The following NOS1 variants were observed in gnomAD, a reference collection of about 807,000 sequenced individuals.
NOS1 encodes nitric oxide synthase 1, also known as NOS type I.
A neutral mutation model predicts 164.5 loss-of-function variants in NOS1; 51 were observed. The observed-to-expected ratio is 0.31, with a 90% CI of 0.25 to 0.39. The LOEUF is 0.39. Ranked by LOEUF, NOS1 falls within the 10% of genes least tolerant of loss-of-function variation. NOS1 has a pLI of 1.00. For synonymous variants in NOS1, 719 were observed against 745.8 expected, an observed-to-expected ratio of 0.96 and a Z score of 0.59; for missense variants, 1,362 against 1,885.6, an observed-to-expected ratio of 0.72 and a Z score of 5.14.
intron 13 of NOS1, among the ~76,000 whole-genome samples, chr12:117,261,517 T>G (rs972499300): frequency 1.3e-5 from 2 of 152,166 alleles, no homozygotes; most frequent in African/African-American, 4.8e-5. Flanking sequence ...AATCACGAAT[T>G]AGTCACCAGG....
At chr12:117,251,101 CTT>C (rs1268233344) in intron 17 of NOS1, among the ~76,000 whole-genome samples, 1 of 152,094 alleles carries the variant, frequency 6.6e-6, no homozygotes, top group African/African-American at 2.4e-5. Context: ...GTTAGTGCCT[CTT>C]AAGGGGCTGA....
intron 7 of NOS1, 59 bp downstream of exon 7, chr12:117,285,182 G>T: frequency 8.2e-7 from 1 of 1,213,242 alleles, no homozygotes; most frequent in Non-Finnish European, 1.2e-6. Context: ...CAGAGTCAAA[G>T]TACAATGCTG....
intron 1 of NOS1, among the ~76,000 whole-genome samples, chr12:117,345,073 C>T (rs945549777): frequency 2.0e-5 from 3 of 148,304 alleles, no homozygotes; most frequent in East Asian, 2.0e-4. Context: ...ACTCTGTTGC[C>T]CAGGCTGGAG....
intron 2 of NOS1, among the ~76,000 whole-genome samples, chr12:117,321,198 C>T (rs555028154): frequency 4.1e-4 from 62 of 152,106 alleles, no homozygotes; most frequent in Non-Finnish European, 8.2e-4. Flanking sequence ...TTAGTAGAGA[C>T]GGGGTTTCAC....
intron 10 of NOS1, 129 bp from the exon 11 acceptor site, chr12:117,268,273 C>T (rs1172781590): frequency 1.5e-6 from 1 of 668,306 alleles, no homozygotes; most frequent in Non-Finnish European, 2.6e-6. Flanking sequence ...CTCTGTCGCA[C>T]AGGCTGGAGT....
In NOS1 at chr12:117,263,894, T is replaced by G. The variant is rs985310793; in HGVS notation, c.2217A>C (p.Leu739=). ...TKRRAIGFKK[L]AEAVKFSAKL... Reference sequence around the variant, plus strand: ...GCCCACTGCACGAAACTTACTCTGCTAGCTTCTTGAAGCCAATGGCTCGCC... The same window carrying G: ...GCCCACTGCACGAAACTTACTCTGCGAGCTTCTTGAAGCCAATGGCTCGCC... The change falls in exon 13 of 29, where the codon CTA becomes CTC. Residue 739 remains leucine, a synonymous_variant. Coordinates refer to ENST00000317775, the MANE Select transcript of NOS1 (RefSeq NM_000620.5). 1 of 1,613,684 alleles carries G rather than the reference T, an allele frequency of 6.2e-7. No individual in the cohort carries two copies.
intron 3 of NOS1, among the ~76,000 whole-genome samples, chr12:117,296,569 G>C (rs1873430768): frequency 6.6e-6 from 1 of 152,156 alleles, no homozygotes; most frequent in Non-Finnish European, 1.5e-5. Flanking sequence ...TTGGGACTCG[G>C]GCTGGCTTCC....
At position 117,234,823 on chromosome 12, in the gene NOS1, TTCTG is replaced by T; in HGVS notation, c.3042-69_3042-66del. On this transcript the variant is annotated intron_variant, in intron 20 of 28. Transcript: ENST00000317775. This position sits in a 1 kb window ranked among gnomAD's most constrained non-coding sequence, Gnocchi z 4.3. The stretch of plus-strand genomic sequence containing the variant: ...CAGCTACTTCCTCCTTTTTTTGCTC[TTCTG>T]TCTGTCCTTGTTGGCTGCAATTCTC... 7.0e-7 allele frequency: 1 copy of T among 1,418,466 alleles called. No homozygotes were observed. Among genetic ancestry groups the T allele is most frequent in the East Asian group, 2.5e-5 (1 of 40,444 alleles). 87.9% of individuals were successfully genotyped at this position (1,418,466 alleles called of 1,614,324 possible).
At chr12:117,268,213 G>T in intron 10 of NOS1, 69 bp from the exon 11 acceptor site, 1 of 1,001,370 alleles carries the variant, frequency 1.0e-6, no homozygotes, top group East Asian at 2.4e-5. Context: ...AGAGGGACAG[G>T]GCTAGTGGCG....
chr12:117,340,443 A>G (rs75013007), intron 1 of NOS1, among the ~76,000 whole-genome samples: 2 of 152,358 alleles, frequency 1.3e-5, no homozygotes, highest in African/African-American at 4.8e-5. Context: ...TAGTTTCTGC[A>G]TCTATTAAAT....
chr12:117,321,301 C>T (rs1189646226), intron 2 of NOS1, among the ~76,000 whole-genome samples: 4 of 152,214 alleles, frequency 2.6e-5, no homozygotes, highest in Non-Finnish European at 5.9e-5. Flanking sequence ...TGGGCCACCA[C>T]ACCCGGCCTA....
At chr12:117,253,613 C>A (rs774013937) in intron 17 of NOS1, 25 bp downstream of exon 17, 2 of 1,546,560 alleles carry the variant, frequency 1.3e-6, no homozygotes, top group Admixed American at 1.7e-5. Flanking sequence ...TCCCTGACCC[C>A]CGACCCCCTT....
At position 117,285,563 on chromosome 12, in the gene NOS1, C is replaced by G. The variant is rs143664230; in HGVS notation, c.1291-231G>C. Among the ~76,000 whole-genome samples the G allele has an allele frequency of 3.0e-3, 450 of 149,176 alleles. 1 individual carries two copies. Among genetic ancestry groups the G allele is most frequent in the African/African-American group, 0.01 (422 of 40,748 alleles). On this transcript the variant is annotated intron_variant, in intron 6 of 28. Coordinates refer to ENST00000317775, the MANE Select transcript of NOS1 (RefSeq NM_000620.5). ...AAAAAAAATCGCCTAAAAGTAGGCA[C>G]GGCATGAAAGTGAATGTGGGAAAGG...
At position 117,226,112 on chromosome 12, in the gene NOS1, A is replaced by G. The variant is rs9658504; in HGVS notation, c.3704+571T>C. ...TGATGCCAATGAGATTTGGATCATT[A>G]TCAATGGCATGTGGATCATATCGTG... On this transcript the variant is annotated intron_variant, in intron 24 of 28. Coordinates refer to ENST00000317775, the MANE Select transcript of NOS1 (RefSeq NM_000620.5). Among the ~76,000 whole-genome samples, 86 of 152,364 alleles carry G rather than the reference A, an allele frequency of 5.6e-4. 2 individuals carry two copies. In the East Asian group the frequency reaches 0.016, roughly 29 times the overall value.
At chr12:117,339,776 A>C (rs1475512853) in intron 1 of NOS1, among the ~76,000 whole-genome samples, 1 of 152,242 alleles carries the variant, frequency 6.6e-6, no homozygotes, top group Non-Finnish European at 1.5e-5. Flanking sequence ...ATTTAAAAGC[A>C]AGGTGGAGCA....
In NOS1 at chr12:117,212,807, A is replaced by C. The variant is rs759457937; in HGVS notation, c.*2502T>G. The C allele has an allele frequency of 1.0e-6, 1 of 985,396 alleles. No individual in the cohort carries two copies. The highest frequency in any genetic ancestry group is 1.2e-6 in the Non-Finnish European group (1 of 829,928). The allele number at this position is 985,396 out of a possible 1,614,324, so 61.0% of individuals were successfully genotyped here. On this transcript the variant is annotated 3_prime_UTR_variant, in exon 29 of 29. Coordinates refer to ENST00000317775, the MANE Select transcript of NOS1 (RefSeq NM_000620.5). ...CCCCACCCTTGATCTGAGCCTAACA[A>C]TCTGGACTCCACTCTGGTCCTTGAG...
In NOS1 at chr12:117,218,106, G is replaced by T; in HGVS notation, c.4229C>A (p.Thr1410Asn). Reference sequence around the variant, plus strand: ...AATGGACTCAGATCTAAGGCGGTTGGTCACTTCGTACGTTCGCAGGGTGAC... The same window carrying T: ...AATGGACTCAGATCTAAGGCGGTTGTTCACTTCGTACGTTCGCAGGGTGAC... ...FGVTLRTYEV[T>N]NRLRSESIAF... Residue 1410 changes from threonine (T) to asparagine (N), a missense_variant, in exon 28 of 29, where the codon ACC (threonine) becomes AAC (asparagine). Coordinates refer to ENST00000317775, the MANE Select transcript of NOS1 (RefSeq NM_000620.5). 6.2e-7 allele frequency: 1 copy of T among 1,614,110 alleles called. No individual in the cohort carries two copies. Among genetic ancestry groups the T allele is most frequent in the Non-Finnish European group, 8.5e-7 (1 of 1,180,016 alleles).
rs533138639 is a variant in NOS1, at chr12:117,212,255, C to T, written c.*3054G>A. ...CGTGGGCATTGTCTCATTCAATCCA[C>T]CTTGTTATACAGGTGGGTATGCAGA... On this transcript the variant is annotated 3_prime_UTR_variant, in exon 29 of 29. Coordinates refer to ENST00000317775, the MANE Select transcript of NOS1 (RefSeq NM_000620.5). The T allele has an allele frequency of 8.1e-6, 8 of 985,330 alleles. No individual in the cohort carries two copies. Among genetic ancestry groups the T allele is most frequent in the South Asian group, 9.4e-5 (2 of 21,278 alleles). 61.0% of individuals were successfully genotyped at this position (985,330 alleles called of 1,614,324 possible). A position where few individuals can be genotyped will look rare whatever the true frequency, so the allele number is the denominator to read the frequency against.
chr12:117,289,784 G>T (rs918113178), intron 4 of NOS1, among the ~76,000 whole-genome samples: 20 of 152,224 alleles, frequency 1.3e-4, no homozygotes, highest in Admixed American at 1.0e-3. Flanking sequence ...TTTTGTGTCT[G>T]TTCCCATATA....
Sources: gnomAD v4.1 joint callset for allele counts (sites outside exome capture counted in the v4.1 genomes callset) on GRCh38, gnomAD v4.1.1 for gene constraint, Gnocchi (gnomAD v3.1) non-coding constraint, MANE v1.5 for transcripts, NCBI Gene and HGNC (gene_info 2026-07-23, HGNC 2026-07-21) for gene names.